Variants in FSD1 observed in about 807,000 individuals in gnomAD.
FSD1 encodes the protein fibronectin type III and SPRY domain containing 1, also known as fibronectin type III and SPRY domain-containing protein 1.
FSD1 carries 23 observed loss-of-function variants against 58.2 expected under a neutral mutation model. The observed-to-expected ratio is 0.40, with a 90% CI of 0.28 to 0.56. FSD1 has a LOEUF of 0.56. FSD1 is among the 20% of genes least tolerant of loss of function. The pLI is 0.54. For synonymous variants in FSD1, 265 were observed against 263.4 expected (o/e 1.01, Z -0.06); for missense variants, 563 against 670.8 (o/e 0.84, Z 1.78).
Position 4,306,308 on chromosome 19 carries a change from C to T in FSD1, c.222C>T (p.Ala74=), listed in dbSNP as rs1282322907. 2 of 1,613,888 alleles carry T rather than the reference C, an allele frequency of 1.2e-6. No homozygotes were observed. The highest frequency in any genetic ancestry group is 2.2e-5 in the East Asian group (1 of 44,876). Residue 74 remains alanine, a synonymous_variant, in exon 3 of 13, where the codon GCC becomes GCT. Coordinates refer to ENST00000221856, the MANE Select transcript of FSD1 (RefSeq NM_024333.3). ...GMLMKIKQDR[A]SRTYELQNQL... ...TTATGAAGATAAAACAGGACCGTGC[C>T]AGCCGTACCTACGAGCTGCAGGTGA...
In FSD1 at chr19:4,318,327, C is replaced by T; in HGVS notation, c.800-19C>T. On this transcript the variant is annotated intron_variant, in intron 8 of 12. Coordinates refer to ENST00000221856, the MANE Select transcript of FSD1 (RefSeq NM_024333.3). ...CGGGTTTCCCCATCTCTGTGACTCC[C>T]ACGTCTGCCCGGCCCCAGCGTTCAT... The T allele has an allele frequency of 6.2e-7, 1 of 1,613,704 alleles. No individual in the cohort carries two copies. Among genetic ancestry groups the T allele is most frequent in the Non-Finnish European group, 8.5e-7 (1 of 1,179,984 alleles).
chr19:4,317,738 G>A (rs1387520109), intron 8 of FSD1, among the ~76,000 whole-genome samples: 1 of 152,238 alleles, frequency 6.6e-6, no homozygotes, highest in Non-Finnish European at 1.5e-5. Context: ...GCCTCCAGAG[G>A]CTGGGCACAG....
At chr19:4,322,768 C>T (rs145002959) in intron 10 of FSD1, among the ~76,000 whole-genome samples, 451 of 138,088 alleles carry the variant, frequency 3.3e-3, no homozygotes, top group African/African-American at 0.012. Flanking sequence ...GAACTTGAGG[C>T]GTATCTGAAG....
rs138471666 is a variant in FSD1, at chr19:4,317,214, C to A, written c.733C>A (p.Arg245Ser). ...GTTTGACATGAAATACATGAACTTC[C>A]GTGTGAAGGCCTGTAACAAGGCAGT... ...LKFDMKYMNF[R>S]VKACNKAVAG... The change falls in exon 8 of 13, where the codon CGT becomes AGT. Residue 245 changes from arginine to serine, a missense_variant. Transcript: ENST00000221856. The A allele has an allele frequency of 1.9e-6, 3 of 1,612,564 alleles. No individual in the cohort carries two copies. In the South Asian group the frequency reaches 3.3e-5, roughly 18 times the overall value.
At chr19:4,308,083 T>G in intron 4 of FSD1, 100 bp downstream of exon 4, 1 of 905,190 alleles carries the variant, frequency 1.1e-6, no homozygotes, top group Non-Finnish European at 1.7e-6. Flanking sequence ...AGCCCACCCA[T>G]GCGATAGTTG....
chr19:4,306,553 C>T (rs1179909989), intron 3 of FSD1, among the ~76,000 whole-genome samples: 5 of 151,926 alleles, frequency 3.3e-5, no homozygotes, highest in African/African-American at 7.3e-5. Context: ...CTGCAACCTC[C>T]GCCTCCTGGG....
intron 10 of FSD1, among the ~76,000 whole-genome samples, chr19:4,322,157 T>C (rs1971826421): frequency 1.4e-5 from 2 of 146,734 alleles, no homozygotes; most frequent in South Asian, 4.4e-4. Context: ...CTGGAGGGGA[T>C]AGCTGGGATC....
intron 1 of FSD1, among the ~76,000 whole-genome samples, 158 bp downstream of exon 1, chr19:4,304,919 C>A (rs1048698213): frequency 6.8e-6 from 1 of 146,246 alleles, no homozygotes; most frequent in Non-Finnish European, 1.5e-5. Flanking sequence ...ATCTAGCCCC[C>A]CTACCCCAGT....
chr19:4,305,537 C>T (rs1430209890), intron 1 of FSD1, among the ~76,000 whole-genome samples: 12 of 152,214 alleles, frequency 7.9e-5, no homozygotes, highest in Admixed American at 5.2e-4. Flanking sequence ...TGCTCAAGCA[C>T]GCCTGGTTCG....
intron 6 of FSD1, chr19:4,311,033 A>T (rs1971684596): frequency 6.1e-6 from 1 of 162,766 alleles, no homozygotes; most frequent in Admixed American, 5.7e-5. Flanking sequence ...TGGAGCCATC[A>T]GAAAGCCCCA....
rs1373251136 is a variant in FSD1 at position 4,317,257 on chromosome 19, A to G, written c.776A>G (p.Glu259Gly). The change falls in exon 8 of 13, where the codon GAG becomes GGG. Residue 259 changes from glutamate to glycine, a missense_variant. Glu to Gly is a moderately conservative substitution (Grantham distance 98, BLOSUM62 -2). Transcript: ENST00000221856. Reference protein sequence around the residue: ...CNKAVAGEFSEPVTLETPAFM... With the variant: ...CNKAVAGEFSGPVTLETPAFM... ...AAGGCAGTTGCAGGAGAGTTCTCTG[A>G]GCCGGTGACTCTGGAGACACCAGGT... 6.2e-7 allele frequency: 1 copy of G among 1,610,338 alleles called. No homozygotes were observed.
intron 7 of FSD1, among the ~76,000 whole-genome samples, chr19:4,315,199 C>G (rs957267535): frequency 1.3e-5 from 2 of 151,812 alleles, no homozygotes; most frequent in Admixed American, 1.3e-4. Flanking sequence ...GATCTCGGCT[C>G]TCTGCAACCT....
At chr19:4,310,032 A>G (rs886824354) in intron 4 of FSD1, among the ~76,000 whole-genome samples, 1 of 151,936 alleles carries the variant, frequency 6.6e-6, no homozygotes, top group Non-Finnish European at 1.5e-5. Flanking sequence ...GTTTGAGACC[A>G]GTGTGGCCAA....
rs374849278 is a variant in FSD1 at position 4,323,391 on chromosome 19, C to A, written c.1335C>A (p.His445Gln). The part of the protein sequence containing the change: ...FYNARTKQVL[H>Q]TFKTRFTQPL... ...ATGCCCGCACCAAACAAGTGCTGCA[C>A]ACTTTCAAGACCAGGTTCACACAGC... The change falls in exon 12 of 13, where the codon CAC (histidine) becomes CAA (glutamine). Residue 445 changes from histidine (H) to glutamine (Q), a missense_variant. His to Gln is a conservative substitution (Grantham distance 24). Coordinates refer to ENST00000221856, the MANE Select transcript of FSD1 (RefSeq NM_024333.3). This position sits in a 1 kb window ranked among gnomAD's most constrained non-coding sequence, Gnocchi z 7.7. 6.2e-7 allele frequency: 1 copy of A among 1,613,842 alleles called. No individual in the cohort carries two copies. The highest frequency in any genetic ancestry group is 1.3e-5 in the African/African-American group (1 of 74,912).
intron 1 of FSD1, among the ~76,000 whole-genome samples, chr19:4,305,540 C>G (rs957731164): frequency 6.6e-6 from 1 of 152,222 alleles, no homozygotes. Flanking sequence ...TCAAGCACGC[C>G]TGGTTCGGGG....
At position 4,310,264 on chromosome 19, in the gene FSD1, T is replaced by G. The variant is rs749223286; in HGVS notation, c.346-9T>G. 2.5e-6 allele frequency: 4 copies of G among 1,614,122 alleles called. No homozygotes were observed. The highest frequency in any genetic ancestry group is 3.4e-6 in the Non-Finnish European group (4 of 1,179,968). ...AAATCTTTGAATGTTGTTCTGTTCCTCTCTCTAGGCTGCCAAGCAAATCAA... is the reference window on the plus strand; with the variant it reads ...AAATCTTTGAATGTTGTTCTGTTCCGCTCTCTAGGCTGCCAAGCAAATCAA... On this transcript the variant is annotated splice_polypyrimidine_tract_variant and intron_variant, in intron 4 of 12. Coordinates refer to ENST00000221856, the MANE Select transcript of FSD1 (RefSeq NM_024333.3).
chr19:4,319,866 A>G (rs1490292681), intron 10 of FSD1, among the ~76,000 whole-genome samples: 1 of 152,088 alleles, frequency 6.6e-6, no homozygotes, highest in African/African-American at 2.4e-5. Context: ...AGGAACTGAG[A>G]TATAACAAAG....
In FSD1 at chr19:4,312,054, A is replaced by C. The variant is rs1311566401; in HGVS notation, c.700+3A>C. The C allele has an allele frequency of 6.3e-7, 1 of 1,599,822 alleles. No individual in the cohort carries two copies. Among genetic ancestry groups the C allele is most frequent in the East Asian group, 2.2e-5 (1 of 44,754 alleles). On this transcript the variant is annotated splice_donor_region_variant and intron_variant, in intron 7 of 12. Transcript: ENST00000221856. ...GCAGACAGAGTACACCCTGACAGGT[A>C]AGGGCAGTGTGTGCCAGCTCCGCCC...
chr19:4,318,006 G>A (rs919206997), intron 8 of FSD1, among the ~76,000 whole-genome samples: 2 of 152,100 alleles, frequency 1.3e-5, no homozygotes, highest in Non-Finnish European at 2.9e-5. Flanking sequence ...GACAGAGCGA[G>A]ACTCCATCTC....
Sources: gnomAD v4.1 joint callset for allele counts (sites outside exome capture counted in the v4.1 genomes callset) on GRCh38, gnomAD v4.1.1 for gene constraint, Gnocchi (gnomAD v3.1) non-coding constraint, MANE v1.5 for transcripts, NCBI Gene and HGNC (gene_info 2026-07-23, HGNC 2026-07-21) for gene names.